FBRSL1: variants seen among roughly 807,000 people sequenced by gnomAD.
FBRSL1 encodes fibrosin like 1.
A neutral mutation model predicts 89.6 loss-of-function variants in FBRSL1; 51 were observed. The ratio of observed to expected loss-of-function variants is 0.57; its 90% CI spans 0.45 to 0.72. FBRSL1 has a LOEUF of 0.72. Among genes scored for constraint, FBRSL1 ranks in the 30% least tolerant of loss-of-function variants. The pLI is 0.00. For synonymous variants in FBRSL1, 779 were observed against 681.1 expected, an observed-to-expected ratio of 1.14 and a Z score of -2.24; for missense variants, 1,618 against 1,451.8, an observed-to-expected ratio of 1.11 and a Z score of -1.86.
intron 5 of FBRSL1, among the ~76,000 whole-genome samples, chr12:132,559,414 C>A (rs970522583): frequency 6.6e-6 from 1 of 152,152 alleles, no homozygotes; most frequent in Non-Finnish European, 1.5e-5. Flanking sequence ...TTTTTTGAGA[C>A]CTTGTCTCGC....
intron 2 of FBRSL1, among the ~76,000 whole-genome samples, chr12:132,512,760 A>G (rs1416736282): frequency 6.6e-6 from 1 of 152,146 alleles, no homozygotes; most frequent in East Asian, 1.9e-4. Flanking sequence ...GCTGCCCCTT[A>G]ATGGGGAAGG....
At chr12:132,545,616 C>T (rs755941751) in intron 4 of FBRSL1, among the ~76,000 whole-genome samples, 3 of 152,206 alleles carry the variant, frequency 2.0e-5, no homozygotes, top group South Asian at 2.1e-4. Flanking sequence ...CGGGGAGATC[C>T]GTAACCAGGT....
rs1389414611 is a variant in FBRSL1, at chr12:132,574,060, C to T, written c.1531-30C>T. ...GTCCTCCTGCCTGGGCGGCCCCAGGCGCACACAAGCTGTCTCTTTCTCCCC... is the reference window on the plus strand; with the variant it reads ...GTCCTCCTGCCTGGGCGGCCCCAGGTGCACACAAGCTGTCTCTTTCTCCCC... On this transcript the variant is annotated intron_variant, in intron 11 of 18. Transcript: ENST00000680143. 12 of 1,239,394 alleles carry T rather than the reference C, an allele frequency of 9.7e-6. No homozygotes were observed. In the South Asian group the frequency reaches 1.0e-4, roughly 10 times the overall value. The allele number at this position is 1,239,394 out of a possible 1,614,324, so 76.8% of individuals were successfully genotyped here. A position where few individuals can be genotyped will look rare whatever the true frequency, so the allele number is the denominator to read the frequency against.
chr12:132,581,886 C>T (rs1025786773), intron 17 of FBRSL1, 62 bp downstream of exon 17: 33 of 1,384,998 alleles, frequency 2.4e-5, no homozygotes, highest in East Asian at 1.1e-4. Context: ...ATGCCTGTGT[C>T]CTCTGCAGGA....
intron 4 of FBRSL1, among the ~76,000 whole-genome samples, chr12:132,532,438 G>C (rs1465018350): frequency 1.3e-5 from 2 of 152,108 alleles, no homozygotes; most frequent in Non-Finnish European, 2.9e-5. Context: ...CCATCTGCCT[G>C]GCTATGCCCA....
intron 5 of FBRSL1, among the ~76,000 whole-genome samples, chr12:132,548,650 C>T (rs575924674): frequency 1.7e-3 from 257 of 152,332 alleles, no homozygotes; most frequent in Admixed American, 3.3e-3. Flanking sequence ...GGGGAGGAAC[C>T]GTCACCTGCT....
intron 2 of FBRSL1, among the ~76,000 whole-genome samples, chr12:132,520,944 G>A (rs2035299091): frequency 6.6e-6 from 1 of 152,224 alleles, no homozygotes; most frequent in African/African-American, 2.4e-5. Context: ...GAGCTGGTAG[G>A]GACTGTGGGA....
rs1249193366 is a variant in FBRSL1, at chr12:132,583,540, C to T, written c.2771C>T (p.Ser924Leu). Reference protein sequence around the residue: ...APALDGALLPSLGALHFPRLS... With the variant: ...APALDGALLPLLGALHFPRLS... Reference sequence around the variant, plus strand: ...GCCTTGGACGGCGCGCTGCTGCCCTCGCTGGGAGCCCTGCACTTCCCGCGC... The same window carrying T: ...GCCTTGGACGGCGCGCTGCTGCCCTTGCTGGGAGCCCTGCACTTCCCGCGC... Residue 924 changes from serine to leucine, a missense_variant, in exon 19 of 19, where the codon TCG becomes TTG. By Grantham distance (145) the Ser-to-Leu change is moderately radical. Transcript: ENST00000680143. The T allele has an allele frequency of 2.9e-6, 3 of 1,046,266 alleles. No individual in the cohort carries two copies. The highest frequency in any genetic ancestry group is 3.5e-6 in the Non-Finnish European group (3 of 868,172). The allele number at this position is 1,046,266 out of a possible 1,614,324, so 64.8% of individuals were successfully genotyped here.
At position 132,570,532 on chromosome 12, in the gene FBRSL1, ACCCGG is replaced by A; in HGVS notation, c.1208_1212del (p.Pro403ArgfsTer57). On this transcript the variant is annotated frameshift_variant, in exon 8 of 19. Coordinates refer to ENST00000680143, the MANE Select transcript of FBRSL1 (RefSeq NM_001367871.1). LOFTEE classifies it high-confidence loss of function. ...GCCAGCAGCCTGGTCCTCCCAGGAC[ACCCGG>A]CCGGTAGGTGTCTCGGCCACAATCT... 6.6e-7 allele frequency: 1 copy of A among 1,510,012 alleles called. No homozygotes were observed. The highest frequency in any genetic ancestry group is 8.8e-7 in the Non-Finnish European group (1 of 1,132,586). The allele number at this position is 1,510,012 out of a possible 1,614,324, so 93.5% of individuals were successfully genotyped here.
At chr12:132,548,064 T>C in intron 5 of FBRSL1, 32 bp downstream of exon 5, 2 of 1,549,418 alleles carry the variant, frequency 1.3e-6, no homozygotes, top group Non-Finnish European at 1.7e-6. Flanking sequence ...TGGGCTCGGC[T>C]GACAGCCCTG....
chr12:132,518,074 G>A (rs985050677), intron 2 of FBRSL1, among the ~76,000 whole-genome samples: 1 of 152,084 alleles, frequency 6.6e-6, no homozygotes, highest in Non-Finnish European at 1.5e-5. Context: ...CCCTCCTCCG[G>A]CACACAGGAC....
chr12:132,525,646 G>A (rs1367977649), intron 2 of FBRSL1, 88 bp from the exon 3 acceptor site: 9 of 1,081,378 alleles, frequency 8.3e-6, no homozygotes, highest in Non-Finnish European at 1.2e-5. Context: ...GGGGTGCCGG[G>A]AGCAGGCATG....
chr12:132,567,325 T>C (rs1454162021), intron 5 of FBRSL1, among the ~76,000 whole-genome samples, 156 bp from the exon 6 acceptor site: 1 of 152,190 alleles, frequency 6.6e-6, no homozygotes, highest in Non-Finnish European at 1.5e-5. Flanking sequence ...AGCTCAGGAC[T>C]AAGCGTGTTC....
Position 132,581,430 on chromosome 12 carries a change from C to T in FBRSL1, c.1835-9C>T. 1 of 1,550,868 alleles carries T rather than the reference C, an allele frequency of 6.4e-7. No homozygotes were observed. The highest frequency in any genetic ancestry group is 8.7e-7 in the Non-Finnish European group (1 of 1,146,884). ...CCTGGCTTCTGTCAAACCTGGCTGC[C>T]CCCCCCAGGTGCCGCCCATCCTGCC... On this transcript the variant is annotated splice_polypyrimidine_tract_variant and intron_variant, in intron 15 of 18. Coordinates refer to ENST00000680143, the MANE Select transcript of FBRSL1 (RefSeq NM_001367871.1).
At chr12:132,550,943 C>G (rs1045759656) in intron 5 of FBRSL1, 4 of 198,520 alleles carry the variant, frequency 2.0e-5, no homozygotes, top group African/African-American at 9.1e-5. Flanking sequence ...GTGCGTGGAG[C>G]CCATCCAGAC....
Position 132,490,438 on chromosome 12 carries a change from C to G in FBRSL1, c.-133C>G. On this transcript the variant is annotated 5_prime_UTR_variant, in exon 1 of 19. Coordinates refer to ENST00000680143, the MANE Select transcript of FBRSL1 (RefSeq NM_001367871.1). ...GGCATGCCCGGCCCGGCCCGCCGCC[C>G]GCCGCCGCCCAGGGCCCGAGCCCGC... 1.2e-5 allele frequency: 7 copies of G among 601,630 alleles called. No individual in the cohort carries two copies. Among genetic ancestry groups the G allele is most frequent in the Non-Finnish European group, 1.4e-5 (7 of 486,478 alleles). The allele number at this position is 601,630 out of a possible 1,614,324, so 37.3% of individuals were successfully genotyped here. A position where few individuals can be genotyped will look rare whatever the true frequency, so the allele number is the denominator to read the frequency against.
At chr12:132,570,729 T>C (rs1195439136) in intron 8 of FBRSL1, among the ~76,000 whole-genome samples, 189 bp downstream of exon 8, 1 of 152,172 alleles carries the variant, frequency 6.6e-6, no homozygotes, top group Non-Finnish European at 1.5e-5. Context: ...GCCATCTGTG[T>C]GCGGGGACAG....
chr12:132,509,566 C>A, intron 2 of FBRSL1: 1 of 1,232,402 alleles, frequency 8.1e-7, no homozygotes. Context: ...TCCCTGCTGA[C>A]CCCGTGTCAC....
At chr12:132,516,912 T>C (rs1258191966) in intron 2 of FBRSL1, among the ~76,000 whole-genome samples, 1 of 152,200 alleles carries the variant, frequency 6.6e-6, no homozygotes, top group Non-Finnish European at 1.5e-5. Flanking sequence ...GTTGAGATGA[T>C]AAAATGAGCT....
Sources: gnomAD v4.1 joint callset for allele counts (sites outside exome capture counted in the v4.1 genomes callset) on GRCh38, gnomAD v4.1.1 for gene constraint, MANE v1.5 for transcripts, NCBI Gene and HGNC (gene_info 2026-07-23, HGNC 2026-07-21) for gene names.